Variants in RAPH1 observed in about 807,000 individuals in gnomAD.
The protein encoded by RAPH1 is Ras association (RalGDS/AF-6) and pleckstrin homology domains 1.
Under a neutral mutation model 88.1 loss-of-function variants are expected in RAPH1, and 18 were observed. That is an observed-to-expected ratio of 0.20 (90% confidence interval 0.14 to 0.30). The LOEUF is 0.30. RAPH1 is among the 10% of genes least tolerant of loss of function. The probability of loss-of-function intolerance (pLI) is 1.00; values close to 1 mark genes in which losing one functional copy is unlikely to be tolerated. For missense variants in RAPH1, 1,448 were observed against 1,543.2 expected (o/e 0.94, Z 1.03); for synonymous variants, 587 against 559.0 (o/e 1.05, Z -0.71).
chr2:203,506,832 C>CTATA (rs1553630461), intron 1 of RAPH1, among the ~76,000 whole-genome samples: 6 of 11,692 alleles, frequency 5.1e-4, no homozygotes, highest in African/African-American at 1.4e-3. Context: ...ATATATATAT[C>CTATA]TATATCTATA....
chr2:203,528,020 C>T (rs1389743074), intron 1 of RAPH1, among the ~76,000 whole-genome samples: 1 of 151,986 alleles, frequency 6.6e-6, no homozygotes, highest in Non-Finnish European at 1.5e-5. Context: ...TTGTACCAAA[C>T]AGGTTTGTCT....
In RAPH1 at chr2:203,449,832, G is replaced by A. The variant is rs561076845; in HGVS notation, c.1414-996C>T. 3.7e-4 allele frequency among the ~76,000 whole-genome samples: 57 copies of A among 152,240 alleles called. 1 individual carries two copies. Among genetic ancestry groups the A allele is most frequent in the African/African-American group, 1.3e-3 (52 of 41,558 alleles). ...GGAGTCAGGAGTTCGAGACCAACCT[G>A]ACCAACACGGTGAAACCCCGTCTCT... On this transcript the variant is annotated intron_variant, in intron 10 of 13. Transcript: ENST00000319170.
chr2:203,446,928 A>T (rs2098510250), intron 12 of RAPH1: 1 of 151,194 alleles, frequency 6.6e-6, no homozygotes, highest in Non-Finnish European at 1.5e-5. Context: ...AAAAAAAAAA[A>T]AGTTGTGGAG....
In RAPH1 at chr2:203,524,085, C is replaced by A. The variant is rs913385549; in HGVS notation, c.-1+11026G>T. Among the ~76,000 whole-genome samples, 6 of 152,156 alleles carry A rather than the reference C, an allele frequency of 3.9e-5. No homozygotes were observed. In the East Asian group the frequency reaches 1.2e-3, roughly 29 times the overall value. ...AATATATCCAATAAAGAACTTGTAT[C>A]GAGTAAATAATTGTTAAACTAAATT... is the stretch of plus-strand genomic sequence containing the variant. On this transcript the variant is annotated intron_variant, in intron 1 of 13. Coordinates refer to ENST00000319170, the MANE Select transcript of RAPH1 (RefSeq NM_213589.3).
Position 203,461,283 on chromosome 2 carries a change from C to G in RAPH1, c.936G>C (p.Trp312Cys), listed in dbSNP as rs772922914. The part of the protein sequence containing the change: ...DKSHCGYSLD[W>C]SLVETVSELQ... ...ATTCAGAAACGGTTTCTACCAGTGACCAGTCTAAACTATAACCGCAGTGGG... is the reference window on the plus strand; with the variant it reads ...ATTCAGAAACGGTTTCTACCAGTGAGCAGTCTAAACTATAACCGCAGTGGG... Residue 312 changes from tryptophan to cysteine, a missense_variant, in exon 6 of 14, where the codon TGG (tryptophan) becomes TGC (cysteine). Physicochemically the swap from Trp to Cys is radical, Grantham distance 215. Transcript: ENST00000319170. 6.3e-7 allele frequency: 1 copy of G among 1,597,526 alleles called. No individual in the cohort carries two copies. The highest frequency in any genetic ancestry group is 8.5e-7 in the Non-Finnish European group (1 of 1,171,458).
intron 4 of RAPH1, among the ~76,000 whole-genome samples, chr2:203,468,939 A>C (rs566987599): frequency 9.2e-5 from 14 of 152,356 alleles, no homozygotes; most frequent in African/African-American, 3.4e-4. Context: ...AAAGATGATC[A>C]GAGGGCTTAA....
At chr2:203,478,476 T>A (rs1017114857) in intron 4 of RAPH1, among the ~76,000 whole-genome samples, 2 of 151,910 alleles carry the variant, frequency 1.3e-5, no homozygotes, top group African/African-American at 2.4e-5. Context: ...CATAAGGACA[T>A]CATTTTTTGT....
Position 203,439,266 on chromosome 2 carries a change from C to T in RAPH1, c.*171G>A, listed in dbSNP as rs750608011. 1.2e-5 allele frequency: 7 copies of T among 603,716 alleles called. No homozygotes were observed. The African/African-American group carries it at 1.3e-4, about 11-fold the overall frequency. The allele number at this position is 603,716 out of a possible 1,614,324, so 37.4% of individuals were successfully genotyped here. A position where few individuals can be genotyped will look rare whatever the true frequency, so the allele number is the denominator to read the frequency against. ...ACATATATGTATACATATATACACACACTGTACAGCTGTGTGTACATGCAC... is the reference window on the plus strand; with the variant it reads ...ACATATATGTATACATATATACACATACTGTACAGCTGTGTGTACATGCAC... On this transcript the variant is annotated 3_prime_UTR_variant, in exon 14 of 14. Coordinates refer to ENST00000319170, the MANE Select transcript of RAPH1 (RefSeq NM_213589.3).
chr2:203,471,204 TA>T (rs754933718), intron 4 of RAPH1, among the ~76,000 whole-genome samples: 1 of 152,266 alleles, frequency 6.6e-6, no homozygotes, highest in Admixed American at 6.5e-5. Context: ...TATCACCATT[TA>T]AAAAAATGTA....
At chr2:203,496,187 C>T (rs190554298) in intron 1 of RAPH1, among the ~76,000 whole-genome samples, 12 of 152,122 alleles carry the variant, frequency 7.9e-5, no homozygotes, top group Admixed American at 5.9e-4. Context: ...GGCAAAACCC[C>T]GTCTCTACTA....
intron 4 of RAPH1, among the ~76,000 whole-genome samples, chr2:203,485,364 T>C (rs1687918105): frequency 6.8e-6 from 1 of 147,962 alleles, no homozygotes; most frequent in African/African-American, 2.5e-5. Context: ...TGAGCTGAGA[T>C]TGCGCCACTG....
chr2:203,459,369 A>G (rs1019937882), intron 7 of RAPH1, among the ~76,000 whole-genome samples: 6 of 152,230 alleles, frequency 3.9e-5, no homozygotes, highest in African/African-American at 1.4e-4. Flanking sequence ...TGAATTTTGT[A>G]AAATGTCTAG....
intron 1 of RAPH1, among the ~76,000 whole-genome samples, chr2:203,506,097 A>G (rs1688980547): frequency 6.6e-6 from 1 of 152,202 alleles, no homozygotes; most frequent in South Asian, 2.1e-4. Context: ...GGCCAAACGC[A>G]CTGGCAAGAA....
At chr2:203,451,961 G>A (rs1474159084) in intron 10 of RAPH1, among the ~76,000 whole-genome samples, 2 of 152,198 alleles carry the variant, frequency 1.3e-5, no homozygotes, top group Admixed American at 6.5e-5. Flanking sequence ...AATACAGGGA[G>A]CAATAATCCC....
In RAPH1 at chr2:203,436,572, AGG is replaced by A. The variant is rs2098498696; in HGVS notation, c.*2863_*2864del. On this transcript the variant is annotated 3_prime_UTR_variant, in exon 14 of 14. Transcript: ENST00000319170. ...TTTGAAATTATCCATAGTAGAAATT[AGG>A]AGTGTCACTAATTAAGCAAGTCACT... 6.6e-6 allele frequency: 1 copy of A among 152,234 alleles called. No homozygotes were observed. The highest frequency in any genetic ancestry group is 1.5e-5 in the Non-Finnish European group (1 of 68,038). The allele number at this position is 152,234 out of a possible 1,614,324, so 9.4% of individuals were successfully genotyped here. A position where few individuals can be genotyped will look rare whatever the true frequency, so the allele number is the denominator to read the frequency against.
intron 12 of RAPH1, 140 bp downstream of exon 12, chr2:203,447,819 G>A (rs1253897919): frequency 5.2e-6 from 4 of 763,234 alleles, no homozygotes; most frequent in Non-Finnish European, 8.1e-6. Flanking sequence ...TTTTTAAAAA[G>A]GCATCTATTG....
intron 4 of RAPH1, among the ~76,000 whole-genome samples, chr2:203,478,321 ACT>A (rs1318694190): frequency 1.3e-5 from 2 of 152,122 alleles, no homozygotes; most frequent in South Asian, 2.1e-4. Flanking sequence ...GGCACGAGCC[ACT>A]GAGCCCGGCT....
intron 1 of RAPH1, among the ~76,000 whole-genome samples, chr2:203,524,659 A>C (rs1003021892): frequency 6.6e-6 from 1 of 152,236 alleles, no homozygotes; most frequent in African/African-American, 2.4e-5. Flanking sequence ...TTCCATTTAT[A>C]TAAAATTCTA....
Position 203,434,060 on chromosome 2 carries a change from A to ATCTATC in RAPH1, c.*5376_*5377insGATAGA, listed in dbSNP as rs1241030170. Reference sequence around the variant, plus strand: ...CTCATATATCTATCTATCTATCTATATATATATATATATATATATAGCTTT... The same window carrying ATCTATC: ...CTCATATATCTATCTATCTATCTATATCTATCTATATATATATATATATATAGCTTT... On this transcript the variant is annotated 3_prime_UTR_variant, in exon 14 of 14. Transcript: ENST00000319170. 225 of 119,438 alleles carry ATCTATC rather than the reference A, an allele frequency of 1.9e-3. 1 individual carries two copies. The highest frequency in any genetic ancestry group is 5.8e-3 in the African/African-American group (154 of 26,492). The allele number at this position is 119,438 out of a possible 1,614,324, so 7.4% of individuals were successfully genotyped here.
Sources: gnomAD v4.1 joint callset for allele counts (sites outside exome capture counted in the v4.1 genomes callset) on GRCh38, gnomAD v4.1.1 for gene constraint, MANE v1.5 for transcripts, NCBI Gene and HGNC (gene_info 2026-07-23, HGNC 2026-07-21) for gene names.